The following ZNF385D variants were observed in gnomAD, a reference collection of about 807,000 sequenced individuals.
The protein encoded by ZNF385D is zinc finger protein 385D.
ZNF385D carries 15 observed loss-of-function variants against 35.8 expected under a neutral mutation model. That is an observed-to-expected ratio of 0.42 (90% CI 0.28 to 0.64). The LOEUF (loss-of-function observed/expected upper bound fraction) is 0.64. Among genes scored for constraint, ZNF385D ranks in the 30% least tolerant of loss-of-function variants. ZNF385D has a pLI of 0.23. For missense variants in ZNF385D, 474 were observed against 494.6 expected (o/e 0.96, Z 0.39); for synonymous variants, 212 against 186.8 (o/e 1.13, Z -1.10).
At chr3:21,588,054 G>C (rs1296493503) in intron 2 of ZNF385D, among the ~76,000 whole-genome samples, 1 of 152,136 alleles carries the variant, frequency 6.6e-6, no homozygotes, top group East Asian at 1.9e-4. Flanking sequence ...CTAAGCCTGA[G>C]GATAAAAAGA....
At chr3:22,104,353 C>G (rs151329634) in intron 3 of ZNF385D, among the ~76,000 whole-genome samples, 2 of 152,090 alleles carry the variant, frequency 1.3e-5, no homozygotes. Flanking sequence ...TTTTATTACT[C>G]GTTCACTATA....
At position 21,870,632 on chromosome 3, in the gene ZNF385D, C is replaced by A. The variant is rs576981413; in HGVS notation, c.326-205604G>T. 9.9e-5 allele frequency among the ~76,000 whole-genome samples: 15 copies of A among 152,222 alleles called. No homozygotes were observed. In the East Asian group the frequency reaches 2.7e-3, roughly 27 times the overall value. On this transcript the variant is annotated intron_variant, in intron 3 of 5. Transcript: ENST00000494108. ...TCTATGGCCCAATCAGCCACGCAAACCTTGTATTCAAATGGCCAACTGTTA... is the reference window on the plus strand; with the variant it reads ...TCTATGGCCCAATCAGCCACGCAAAACTTGTATTCAAATGGCCAACTGTTA...
At chr3:21,974,969 GA>G (rs1703502643) in intron 3 of ZNF385D, among the ~76,000 whole-genome samples, 1 of 152,162 alleles carries the variant, frequency 6.6e-6, no homozygotes, top group Non-Finnish European at 1.5e-5. Context: ...ACTGTTAGTG[GA>G]AATGAAATTA....
chr3:21,542,056 T>C (rs964251006), intron 3 of ZNF385D, among the ~76,000 whole-genome samples: 1 of 152,034 alleles, frequency 6.6e-6, no homozygotes, highest in African/African-American at 2.4e-5. Flanking sequence ...ACAATAGTAA[T>C]TTTTTTTCAA....
At chr3:21,464,743 A>AACACACAAACACACACACACACACACAC (rs1553589980) in intron 4 of ZNF385D, among the ~76,000 whole-genome samples, 10 of 150,316 alleles carry the variant, frequency 6.7e-5, no homozygotes, top group African/African-American at 2.0e-4. Context: ...AATAAATTAA[A>AACACACAAACACACACACACACACACAC]ACACACACAC....
At chr3:21,756,988 G>C (rs1575597227) in intron 3 of ZNF385D, among the ~76,000 whole-genome samples, 1 of 151,930 alleles carries the variant, frequency 6.6e-6, no homozygotes, top group East Asian at 1.9e-4. Context: ...TAAATGCCTG[G>C]GGTCATTATT....
intron 3 of ZNF385D, among the ~76,000 whole-genome samples, chr3:21,889,689 G>C (rs369423820): frequency 6.6e-6 from 1 of 152,206 alleles, no homozygotes; most frequent in East Asian, 1.9e-4. Flanking sequence ...GAAGGATGAA[G>C]TATGTTTCTC....
intron 1 of ZNF385D, among the ~76,000 whole-genome samples, chr3:21,669,907 C>T (rs979662242): frequency 1.3e-5 from 2 of 152,016 alleles, no homozygotes; most frequent in Non-Finnish European, 2.9e-5. Flanking sequence ...CATGAGAGTG[C>T]GGTGGTTTTC....
At chr3:21,706,270 T>C (rs1015529738) in intron 1 of ZNF385D, among the ~76,000 whole-genome samples, 1 of 152,304 alleles carries the variant, frequency 6.6e-6, no homozygotes, top group East Asian at 1.9e-4. Flanking sequence ...AATCAGCTTT[T>C]TTTTTTTCCT....
intron 3 of ZNF385D, among the ~76,000 whole-genome samples, chr3:22,089,528 T>A (rs1701215586): frequency 6.6e-6 from 1 of 152,136 alleles, no homozygotes; most frequent in African/African-American, 2.4e-5. Context: ...CTTCTGTAAG[T>A]GTGCTTTTAA....
chr3:22,182,943 T>C (rs1313535358), intron 2 of ZNF385D, among the ~76,000 whole-genome samples: 4 of 152,058 alleles, frequency 2.6e-5, no homozygotes, highest in Non-Finnish European at 4.4e-5. Context: ...AATAGAGAAA[T>C]GATGGATATG....
intron 1 of ZNF385D, among the ~76,000 whole-genome samples, chr3:21,683,446 G>A (rs767091190): frequency 6.7e-6 from 1 of 149,400 alleles, no homozygotes; most frequent in Non-Finnish European, 1.5e-5. Context: ...GTGAAACTCC[G>A]TCTCTACTAA....
intron 1 of ZNF385D, among the ~76,000 whole-genome samples, chr3:21,699,995 C>T (rs368619394): frequency 7.2e-5 from 11 of 152,030 alleles, no homozygotes; most frequent in African/African-American, 2.4e-4. Context: ...CCATGCCCAG[C>T]TAATTTTTGT....
intron 3 of ZNF385D, among the ~76,000 whole-genome samples, chr3:21,770,686 C>T (rs2071037014): frequency 6.6e-6 from 1 of 152,122 alleles, no homozygotes. Flanking sequence ...TGTGGTTATT[C>T]CTCAGGGATC....
chr3:21,760,775 T>C (rs1473239855), intron 3 of ZNF385D, among the ~76,000 whole-genome samples: 1 of 152,200 alleles, frequency 6.6e-6, no homozygotes, highest in Non-Finnish European at 1.5e-5. Context: ...AAAAATTACA[T>C]TTAACTGAGA....
intron 3 of ZNF385D, among the ~76,000 whole-genome samples, chr3:21,903,547 T>C (rs988212852): frequency 1.3e-5 from 2 of 152,166 alleles, no homozygotes; most frequent in African/African-American, 4.8e-5. Context: ...TACAGAACTT[T>C]TACAAGTTGA....
intron 7 of ZNF385D, among the ~76,000 whole-genome samples, chr3:21,423,702 G>T (rs1700850736): frequency 6.6e-6 from 1 of 152,068 alleles, no homozygotes; most frequent in Non-Finnish European, 1.5e-5. Context: ...CATTAAAAAA[G>T]ATATACATGA....
intron 3 of ZNF385D, among the ~76,000 whole-genome samples, chr3:22,027,701 T>C (rs1311013174): frequency 6.6e-6 from 1 of 152,028 alleles, no homozygotes; most frequent in African/African-American, 2.4e-5. Flanking sequence ...CATCATCAAA[T>C]AGAAGTGGTA....
chr3:22,357,989 C>A (rs748298634), intron 2 of ZNF385D, among the ~76,000 whole-genome samples: 5 of 151,838 alleles, frequency 3.3e-5, no homozygotes, highest in African/African-American at 1.2e-4. Context: ...TTTTCTCTTT[C>A]CCAGTTACCT....
Sources: allele counts gnomAD v4.1 joint callset (sites outside exome capture counted in the v4.1 genomes callset), GRCh38; gene constraint gnomAD v4.1.1; transcripts MANE v1.5; gene names NCBI Gene and HGNC (gene_info 2026-07-23, HGNC 2026-07-21).